LHX4: variants seen among roughly 807,000 people sequenced by gnomAD.
The protein encoded by LHX4 is LIM/homeobox protein Lhx4.
LHX4 carries 16 observed loss-of-function variants against 39.2 expected under a neutral mutation model. That is an observed-to-expected ratio of 0.41 (90% CI 0.28 to 0.62). LHX4 has a LOEUF of 0.62. LHX4 is among the 20% of genes least tolerant of loss of function. The probability of loss-of-function intolerance (pLI) is 0.33; values close to 1 mark genes in which losing one functional copy is unlikely to be tolerated. For missense variants in LHX4, 439 were observed against 511.9 expected (o/e 0.86, Z 1.37); for synonymous variants, 206 against 198.1 (o/e 1.04, Z -0.33).
Position 180,266,335 on chromosome 1 carries a change from G to A in LHX4, c.249-57G>A, listed in dbSNP as rs745330688. 6.4e-7 allele frequency: 1 copy of A among 1,574,386 alleles called. No homozygotes were observed. The highest frequency in any genetic ancestry group is 8.7e-7 in the Non-Finnish European group (1 of 1,146,120). On this transcript the variant is annotated intron_variant, in intron 2 of 5. Transcript: ENST00000263726. This position sits in a 1 kb window ranked among gnomAD's most constrained non-coding sequence, Gnocchi z 5.7. ...GAGGGAGGCTGCTCCAGGAAGTTGG[G>A]GGAAGCCAGATCCCTTGCTCCCTGT...
chr1:180,245,884 C>T (rs977700864), intron 1 of LHX4, among the ~76,000 whole-genome samples: 3 of 152,192 alleles, frequency 2.0e-5, no homozygotes, highest in African/African-American at 7.2e-5. Flanking sequence ...CTGCCCATGC[C>T]CTCACTGGGT....
At chr1:180,237,860 T>C (rs1664361216) in intron 1 of LHX4, among the ~76,000 whole-genome samples, 1 of 152,236 alleles carries the variant, frequency 6.6e-6, no homozygotes, top group Non-Finnish European at 1.5e-5. Flanking sequence ...TGGAATACTG[T>C]TACAGAGTGA....
Position 180,277,782 on chromosome 1 carries a change from A to G in LHX4, c.*3203A>G, listed in dbSNP as rs1252718609. On this transcript the variant is annotated 3_prime_UTR_variant, in exon 6 of 6. Coordinates refer to ENST00000263726, the MANE Select transcript of LHX4 (RefSeq NM_033343.4). ...AAATAAAGATCAACTATCATTGATA[A>G]CACTGTTCCTGCAAATGAATACTGT... 1 of 152,002 alleles carries G rather than the reference A, an allele frequency of 6.6e-6. No individual in the cohort carries two copies. The highest frequency in any genetic ancestry group is 1.5e-5 in the Non-Finnish European group (1 of 68,002). The allele number at this position is 152,002 out of a possible 1,614,324, so 9.4% of individuals were successfully genotyped here. A position where few individuals can be genotyped will look rare whatever the true frequency, so the allele number is the denominator to read the frequency against.
intron 1 of LHX4, among the ~76,000 whole-genome samples, chr1:180,235,413 GA>G (rs950928156): frequency 1.3e-5 from 2 of 152,244 alleles, no homozygotes; most frequent in Admixed American, 6.5e-5. Flanking sequence ...GAGGCCGGGT[GA>G]AAACCTCTCT....
Position 180,266,530 on chromosome 1 carries a change from A to G in LHX4, c.387A>G (p.Glu129=). The G allele has an allele frequency of 6.2e-7, 1 of 1,614,150 alleles. No individual in the cohort carries two copies. The highest frequency in any genetic ancestry group is 1.7e-5 in the Admixed American group (1 of 60,018). ...ACCGGCAGCTGGCCACGGGGGACGA[A>G]TTCTACCTCATGGAGGACGGGCGGC... ...ICNRQLATGD[E]FYLMEDGRLV... The change falls in exon 3 of 6, where the codon GAA becomes GAG. Residue 129 remains glutamate, a synonymous_variant. Transcript: ENST00000263726. This position sits in a 1 kb window ranked among gnomAD's most constrained non-coding sequence, Gnocchi z 5.7.
intron 1 of LHX4, among the ~76,000 whole-genome samples, chr1:180,235,580 G>T (rs12757880): frequency 0.057 from 8,729 of 152,316 alleles, 481 homozygotes; most frequent in African/African-American, 0.14. Flanking sequence ...GCCGCCGGCG[G>T]GTGTGCCCGG....
Position 180,276,353 on chromosome 1 carries a change from G to T in LHX4, c.*1774G>T, listed in dbSNP as rs147864191. On this transcript the variant is annotated 3_prime_UTR_variant, in exon 6 of 6. Coordinates refer to ENST00000263726, the MANE Select transcript of LHX4 (RefSeq NM_033343.4). ...GACTAAACTAAGTTCAATTAAGTAA[G>T]TTCTTTAAAACAGTAAATTCCGGGA... 11 of 130,716 alleles carry T rather than the reference G, an allele frequency of 8.4e-5. No homozygotes were observed. Among genetic ancestry groups the T allele is most frequent in the African/African-American group, 2.8e-4 (10 of 35,402 alleles). 8.1% of individuals were successfully genotyped at this position (130,716 alleles called of 1,614,324 possible). A position where few individuals can be genotyped will look rare whatever the true frequency, so the allele number is the denominator to read the frequency against.
chr1:180,248,173 G>A, intron 1 of LHX4, 112 bp from the exon 2 acceptor site: 1 of 950,342 alleles, frequency 1.1e-6, no homozygotes. Context: ...CTGCGGTTTG[G>A]GCCATGTCTG....
rs1345242666 is a variant in LHX4, at chr1:180,230,358, AG to A, written c.-167del. 4 of 626,348 alleles carry A rather than the reference AG, an allele frequency of 6.4e-6. No individual in the cohort carries two copies. Among genetic ancestry groups the A allele is most frequent in the Non-Finnish European group, 8.6e-6 (3 of 348,014 alleles). 38.8% of individuals were successfully genotyped at this position (626,348 alleles called of 1,614,324 possible). ...AAACAGACTGGGGACTGGCGGGGGG[AG>A]GGGGCCGGCCAGCCTGTGGAGTCCT... is the stretch of plus-strand genomic sequence containing the variant. On this transcript the variant is annotated 5_prime_UTR_variant, in exon 1 of 6. An upstream open reading frame in the 5' UTR gains an earlier in-frame stop. Coordinates refer to ENST00000263726, the MANE Select transcript of LHX4 (RefSeq NM_033343.4). The surrounding 1 kb of genome is among the most constrained non-coding windows in gnomAD (Gnocchi z 5.8).
chr1:180,274,019 T>C (rs1648860633), intron 5 of LHX4, 166 bp from the exon 6 acceptor site: 1 of 765,948 alleles, frequency 1.3e-6, no homozygotes, highest in Admixed American at 2.4e-5. Flanking sequence ...TGGGTTGGCC[T>C]CTGGATATCA....
Position 180,278,874 on chromosome 1 carries a change from A to G in LHX4, c.*4295A>G, listed in dbSNP as rs1268990422. ...GACCCACCCATCCTTATTTATTGCCATATGACTTTGGAAAACAGAAGCTGG... is the reference window on the plus strand; with the variant it reads ...GACCCACCCATCCTTATTTATTGCCGTATGACTTTGGAAAACAGAAGCTGG... On this transcript the variant is annotated 3_prime_UTR_variant, in exon 6 of 6. Transcript: ENST00000263726. The G allele has an allele frequency of 6.6e-6, 1 of 152,184 alleles. No individual in the cohort carries two copies. The allele number at this position is 152,184 out of a possible 1,614,324, so 9.4% of individuals were successfully genotyped here.
chr1:180,230,229 A>C, upstream of LHX4: 9 of 418,802 alleles, frequency 2.1e-5, no homozygotes, highest in Admixed American at 3.9e-5. This position sits in a 1 kb window ranked among gnomAD's most constrained non-coding sequence, Gnocchi z 5.8. Flanking sequence ...GGGGAGGGGG[A>C]AGGAGCGGGC....
chr1:180,271,162 A>T (rs1648629812), intron 3 of LHX4: 2 of 618,608 alleles, frequency 3.2e-6, no homozygotes, highest in South Asian at 1.8e-5. Context: ...CAGAGAAAGG[A>T]CTGCTGTCCT....
chr1:180,244,861 G>C (rs527344489), intron 1 of LHX4, among the ~76,000 whole-genome samples: 12 of 152,190 alleles, frequency 7.9e-5, no homozygotes, highest in Non-Finnish European at 1.5e-4. Context: ...ACACAAAGAA[G>C]TCCCTGACCT....
At chr1:180,267,483 G>A (rs1648370473) in intron 3 of LHX4, among the ~76,000 whole-genome samples, 1 of 152,222 alleles carries the variant, frequency 6.6e-6, no homozygotes, top group Admixed American at 6.5e-5. Flanking sequence ...AGCCAAGGTG[G>A]ACACTTTTAT....
At chr1:180,252,749 G>A (rs1287667526) in intron 2 of LHX4, among the ~76,000 whole-genome samples, 1 of 152,212 alleles carries the variant, frequency 6.6e-6, no homozygotes, top group African/African-American at 2.4e-5. Context: ...AGTGGAAGGA[G>A]GCCGGGAGGT....
In LHX4 at chr1:180,234,473, G is replaced by T. The variant is rs1664265462; in HGVS notation, c.76+3868G>T. Among the ~76,000 whole-genome samples, 1 of 152,148 alleles carries T rather than the reference G, an allele frequency of 6.6e-6. No homozygotes were observed. The highest frequency in any genetic ancestry group is 2.4e-5 in the African/African-American group (1 of 41,466). ...AGGGAGTTTGGAGAAACCCGGGTAA[G>T]CGCGGCAGCGCCCCGCTTGGGACAG... On this transcript the variant is annotated intron_variant, in intron 1 of 5. Coordinates refer to ENST00000263726, the MANE Select transcript of LHX4 (RefSeq NM_033343.4). The surrounding 1 kb of genome is among the most constrained non-coding windows in gnomAD (Gnocchi z 4.8).
intron 2 of LHX4, among the ~76,000 whole-genome samples, chr1:180,253,822 T>TCAG (rs1220247670): frequency 6.6e-6 from 1 of 152,210 alleles, no homozygotes; most frequent in Non-Finnish European, 1.5e-5. Context: ...GGGCCTGCGC[T>TCAG]GGCTTTCCTG....
At chr1:180,270,436 G>C (rs1478610504) in intron 3 of LHX4, 1 of 152,220 alleles carries the variant, frequency 6.6e-6, no homozygotes, top group African/African-American at 2.4e-5. Context: ...GTGGAGAAAA[G>C]GGCAGTATGC....
Sources: gnomAD v4.1 joint callset for allele counts (sites outside exome capture counted in the v4.1 genomes callset) on GRCh38, gnomAD v4.1.1 for gene constraint, Gnocchi (gnomAD v3.1) non-coding constraint, MANE v1.5 for transcripts, NCBI Gene and HGNC (gene_info 2026-07-23, HGNC 2026-07-21) for gene names.